The following TRAPPC12 variants were observed in gnomAD, a reference collection of about 807,000 sequenced individuals.
TRAPPC12 encodes the protein trafficking protein particle complex subunit 12.
TRAPPC12 carries 61 observed loss-of-function variants against 69.2 expected under a neutral mutation model. The observed-to-expected ratio is 0.88, with a 90% CI of 0.72 to 1.09. The LOEUF (loss-of-function observed/expected upper bound fraction) is 1.09, where lower values mean the gene tolerates loss of function less well. TRAPPC12 is among the 50% of genes least tolerant of loss of function. The probability of loss-of-function intolerance (pLI) is 0.00; values close to 1 mark genes in which losing one functional copy is unlikely to be tolerated. For missense variants in TRAPPC12, 1,101 were observed against 1,016.4 expected, an observed-to-expected ratio of 1.08 and a Z score of -1.13; for synonymous variants, 469 against 438.9, an observed-to-expected ratio of 1.07 and a Z score of -0.86.
chr2:3,389,612 T>A, intron 2 of TRAPPC12: 1 of 468,624 alleles, frequency 2.1e-6, no homozygotes, highest in Admixed American at 2.4e-5. Flanking sequence ...TCTTAACGGC[T>A]CTAAACGGGC....
chr2:3,477,600 C>T (rs1269323659), intron 9 of TRAPPC12, 95 bp from the exon 10 acceptor site: 4 of 646,062 alleles, frequency 6.2e-6, no homozygotes, highest in Non-Finnish European at 1.0e-5. Context: ...ATATAAATGT[C>T]TTCATATTCT....
At chr2:3,394,936 T>A (rs543647114) in intron 2 of TRAPPC12, among the ~76,000 whole-genome samples, 4 of 152,276 alleles carry the variant, frequency 2.6e-5, no homozygotes, top group South Asian at 2.1e-4. Flanking sequence ...ACACACACAC[T>A]CACACTCTAT....
At chr2:3,413,704 C>T (rs113142795) in intron 3 of TRAPPC12, among the ~76,000 whole-genome samples, 4,919 of 152,158 alleles carry the variant, frequency 0.032, 251 homozygotes, top group African/African-American at 0.11. Context: ...TTTCTTTTTT[C>T]ACTTCATACT....
intron 5 of TRAPPC12, among the ~76,000 whole-genome samples, chr2:3,441,402 C>CAATA (rs1278052763): frequency 6.6e-6 from 1 of 152,082 alleles, no homozygotes; most frequent in Non-Finnish European, 1.5e-5. Flanking sequence ...TATTCCTTTA[C>CAATA]TATTCTTTTA....
At chr2:3,463,370 G>A (rs960183356) in intron 8 of TRAPPC12, among the ~76,000 whole-genome samples, 3 of 151,718 alleles carry the variant, frequency 2.0e-5, no homozygotes. Context: ...TACTGTTGCT[G>A]AGCTGGTGGG....
intron 3 of TRAPPC12, among the ~76,000 whole-genome samples, chr2:3,413,069 G>C (rs1662150575): frequency 6.6e-6 from 1 of 152,196 alleles, no homozygotes; most frequent in Non-Finnish European, 1.5e-5. Flanking sequence ...TAGTGCAGAA[G>C]GACAACTCCG....
intron 5 of TRAPPC12, among the ~76,000 whole-genome samples, chr2:3,442,971 T>G (rs567992327): frequency 6.6e-6 from 1 of 152,372 alleles, no homozygotes; most frequent in East Asian, 1.9e-4. Context: ...GCACGCTATT[T>G]GATTTTTTGA....
intron 1 of TRAPPC12, among the ~76,000 whole-genome samples, chr2:3,381,572 TAAAG>T (rs1410388346): frequency 1.3e-5 from 2 of 152,274 alleles, no homozygotes; most frequent in East Asian, 3.9e-4. Flanking sequence ...TTAATAAAAA[TAAAG>T]CCAATGATAG....
chr2:3,422,525 C>A (rs534766213), intron 4 of TRAPPC12, among the ~76,000 whole-genome samples: 1 of 152,244 alleles, frequency 6.6e-6, no homozygotes, highest in Non-Finnish European at 1.5e-5. Context: ...TACATTCTTA[C>A]CTTTCCCTGG....
chr2:3,421,365 G>C (rs1662774573), intron 3 of TRAPPC12, among the ~76,000 whole-genome samples: 1 of 152,116 alleles, frequency 6.6e-6, no homozygotes, highest in South Asian at 2.1e-4. Flanking sequence ...AACATGTTGT[G>C]TTCACCCAGT....
intron 1 of TRAPPC12, among the ~76,000 whole-genome samples, chr2:3,386,661 T>C (rs1200085302): frequency 3.3e-5 from 5 of 152,026 alleles, no homozygotes; most frequent in African/African-American, 1.2e-4. Flanking sequence ...TCATTCGCAC[T>C]GTATCAGATT....
At chr2:3,424,891 G>A (rs1663009765) in intron 5 of TRAPPC12, among the ~76,000 whole-genome samples, 1 of 152,220 alleles carries the variant, frequency 6.6e-6, no homozygotes, top group South Asian at 2.1e-4. Context: ...TAGCAGCTAC[G>A]TGTCAAGCAC....
intron 5 of TRAPPC12, among the ~76,000 whole-genome samples, chr2:3,433,704 G>A (rs1466319552): frequency 6.6e-6 from 1 of 152,088 alleles, no homozygotes; most frequent in Non-Finnish European, 1.5e-5. Flanking sequence ...AACAAGGGAC[G>A]GTCTGAAATA....
intron 9 of TRAPPC12, among the ~76,000 whole-genome samples, chr2:3,474,267 A>G (rs971220939): frequency 1.3e-5 from 2 of 152,250 alleles, no homozygotes; most frequent in Non-Finnish European, 2.9e-5. Flanking sequence ...AGGTCCCACA[A>G]TAGCTGAGGA....
chr2:3,416,673 G>A (rs12986674), intron 3 of TRAPPC12, among the ~76,000 whole-genome samples: 1 of 12,206 alleles, frequency 8.2e-5, no homozygotes, highest in Admixed American at 7.3e-4. Context: ...CCCCTTCACT[G>A]TGCCCTCCCC....
At chr2:3,439,775 C>G (rs904954340) in intron 5 of TRAPPC12, among the ~76,000 whole-genome samples, 1 of 152,106 alleles carries the variant, frequency 6.6e-6, no homozygotes, top group East Asian at 1.9e-4. Context: ...ACCCAGGTCA[C>G]TCAGATTTTC....
intron 8 of TRAPPC12, among the ~76,000 whole-genome samples, chr2:3,463,986 ACTT>A (rs1409751780): frequency 6.6e-6 from 1 of 151,936 alleles, no homozygotes; most frequent in Non-Finnish European, 1.5e-5. Context: ...GCTCCCCTAA[ACTT>A]CTCAGATCAG....
At chr2:3,427,935 T>C (rs1207813163) in intron 5 of TRAPPC12, among the ~76,000 whole-genome samples, 1 of 152,134 alleles carries the variant, frequency 6.6e-6, no homozygotes, top group Non-Finnish European at 1.5e-5. Context: ...CTCTAACCTT[T>C]ACCTTTGGCC....
At chr2:3,474,021 G>A (rs549957664) in intron 9 of TRAPPC12, among the ~76,000 whole-genome samples, 6 of 152,236 alleles carry the variant, frequency 3.9e-5, no homozygotes, top group East Asian at 3.9e-4. Flanking sequence ...AGGACACTCC[G>A]CCTTGAGAAC....
Sources: gnomAD v4.1 joint callset for allele counts (sites outside exome capture counted in the v4.1 genomes callset) on GRCh38, gnomAD v4.1.1 for gene constraint, MANE v1.5 for transcripts, NCBI Gene and HGNC (gene_info 2026-07-23, HGNC 2026-07-21) for gene names.